ZNF429: variants seen among roughly 807,000 people sequenced by gnomAD.
ZNF429 encodes zinc finger protein 429.
In ZNF429, 53 loss-of-function variants were observed where a neutral mutation model predicts 56.8. That is an observed-to-expected ratio of 0.93 (90% CI 0.75 to 1.17). The LOEUF (loss-of-function observed/expected upper bound fraction) is 1.17, where lower values mean the gene tolerates loss of function less well. ZNF429 is among the 50% of genes most tolerant of loss of function. ZNF429 has a pLI of 0.00. For missense variants in ZNF429, 849 were observed against 788.4 expected, an observed-to-expected ratio of 1.08 and a Z score of -0.92; for synonymous variants, 278 against 264.7, an observed-to-expected ratio of 1.05 and a Z score of -0.49.
chr19:21,520,435 A>G (rs944699063), intron 1 of ZNF429, among the ~76,000 whole-genome samples: 1 of 152,098 alleles, frequency 6.6e-6, no homozygotes, highest in African/African-American at 2.4e-5. Context: ...ATATGTAGAT[A>G]TTTTTCTCTG....
chr19:21,535,823 A>T, intron 3 of ZNF429, among the ~76,000 whole-genome samples: 1 of 152,050 alleles, frequency 6.6e-6, no homozygotes, highest in Non-Finnish European at 1.5e-5. Context: ...AAAGTATACC[A>T]CCATTTCTTT....
At position 21,539,950 on chromosome 19, in the gene ZNF429, A is replaced by AG. The variant is rs1355360208; in HGVS notation, c.*1872_*1873insG. 5.3e-5 allele frequency among the ~76,000 whole-genome samples: 8 copies of AG among 152,132 alleles called. No homozygotes were observed. The highest frequency in any genetic ancestry group is 5.2e-4 in the Admixed American group (8 of 15,272). ...ATTAAAATGTAAGATGCTTGATGAA[A>AG]ATCTAAGTGGAGAGGCTCTTTGTGG... On this transcript the variant is annotated 3_prime_UTR_variant, in exon 4 of 4. Transcript: ENST00000358491.
chr19:21,514,380 CT>C (rs2032641651), intron 1 of ZNF429, among the ~76,000 whole-genome samples: 1 of 152,078 alleles, frequency 6.6e-6, no homozygotes, highest in Non-Finnish European at 1.5e-5. Flanking sequence ...TTGTTCCTCT[CT>C]TTGTGTCCAT....
rs537755021 is a variant in ZNF429, at chr19:21,537,782, T to A, written c.1729T>A (p.Ser577Thr). Residue 577 changes from serine (S) to threonine (T), a missense_variant, in exon 4 of 4, where the codon TCC becomes ACC. Ser to Thr is a moderately conservative substitution (Grantham distance 58, BLOSUM62 1). Coordinates refer to ENST00000358491, the MANE Select transcript of ZNF429 (RefSeq NM_001001415.4). ...CKQCDKAFTH[S>T]SNLSSHKKIH... ...ACAATGTGACAAAGCTTTTACCCAC[T>A]CCTCAAACCTTAGTAGTCATAAGAA... 2 of 1,613,246 alleles carry A rather than the reference T, an allele frequency of 1.2e-6. No individual in the cohort carries two copies. Among genetic ancestry groups the A allele is most frequent in the Admixed American group, 3.3e-5 (2 of 59,934 alleles).
rs1448802536 is a variant in ZNF429, at chr19:21,537,275, T to A, written c.1222T>A (p.Cys408Ser). The change falls in exon 4 of 4, where the codon TGT (cysteine) becomes AGT (serine). Residue 408 changes from cysteine (C) to serine (S), a missense_variant. Cys to Ser is a moderately radical substitution (Grantham distance 112). Coordinates refer to ENST00000358491, the MANE Select transcript of ZNF429 (RefSeq NM_001001415.4). ...KFEKCGRVFT[C>S]SSTLTQDKKI... ...TGAAAAATGTGGCAGAGTTTTTACC[T>A]GTTCCTCAACACTTACTCAAGACAA... is the stretch of plus-strand genomic sequence containing the variant. 1 of 1,613,048 alleles carries A rather than the reference T, an allele frequency of 6.2e-7. No individual in the cohort carries two copies. Among genetic ancestry groups the A allele is most frequent in the Non-Finnish European group, 8.5e-7 (1 of 1,179,764 alleles).
intron 1 of ZNF429, among the ~76,000 whole-genome samples, chr19:21,528,165 CAGG>C (rs556694371): frequency 6.6e-6 from 1 of 152,088 alleles, no homozygotes; most frequent in Non-Finnish European, 1.5e-5. Flanking sequence ...GGCTGTGAAA[CAGG>C]AGGTGTGGAT....
At chr19:21,531,048 G>C in intron 3 of ZNF429, among the ~76,000 whole-genome samples, 1 of 142,368 alleles carries the variant, frequency 7.0e-6, no homozygotes, top group Non-Finnish European at 1.5e-5. Context: ...GGAGGTTGCA[G>C]TGAGCTGAGA....
rs142015117 is a variant in ZNF429, at chr19:21,537,357, C to G, written c.1304C>G (p.Thr435Ser). 2 of 1,600,736 alleles carry G rather than the reference C, an allele frequency of 1.2e-6. No individual in the cohort carries two copies. Among genetic ancestry groups the G allele is most frequent in the East Asian group, 2.3e-5 (1 of 44,150 alleles). ...TGTGAAGAATGTGGCAAAGTTTTTA[C>G]CTATTCCTCTACACTTACTAGACAT... ...YNCEECGKVF[T>S]YSSTLTRHKR... is the part of the protein sequence containing the mutation. The change falls in exon 4 of 4, where the codon ACC (threonine) becomes AGC (serine). Residue 435 changes from threonine (T) to serine (S), a missense_variant. Thr to Ser is a moderately conservative substitution (Grantham distance 58, BLOSUM62 1). Transcript: ENST00000358491.
intron 1 of ZNF429, among the ~76,000 whole-genome samples, chr19:21,510,655 A>G (rs961194117): frequency 6.6e-6 from 1 of 151,684 alleles, no homozygotes; most frequent in African/African-American, 2.4e-5. Context: ...TCATAGGACA[A>G]TAGTGGAGGG....
chr19:21,514,509 C>G (rs1200818454), intron 1 of ZNF429, among the ~76,000 whole-genome samples: 1 of 151,690 alleles, frequency 6.6e-6, no homozygotes, highest in Non-Finnish European at 1.5e-5. Flanking sequence ...AGGACATGAT[C>G]TTGTTCTTTT....
intron 1 of ZNF429, among the ~76,000 whole-genome samples, chr19:21,514,263 TTAGTG>T (rs2032635880): frequency 6.6e-6 from 1 of 152,172 alleles, no homozygotes; most frequent in Non-Finnish European, 1.5e-5. Context: ...TCATGGAAGT[TTAGTG>T]TAGATTATTT....
At chr19:21,505,828 G>A in intron 1 of ZNF429, 54 bp downstream of exon 1, 2 of 1,595,396 alleles carry the variant, frequency 1.3e-6, no homozygotes, top group Non-Finnish European at 1.7e-6. Flanking sequence ...GGTCGGAACC[G>A]TGAGAAGTGG....
At chr19:21,532,158 C>A in intron 3 of ZNF429, among the ~76,000 whole-genome samples, 1 of 151,402 alleles carries the variant, frequency 6.6e-6, no homozygotes, top group Non-Finnish European at 1.5e-5. Context: ...TATTTTGTAT[C>A]TATGGATTGA....
At chr19:21,536,208 A>G in intron 3 of ZNF429, 72 bp from the exon 4 acceptor site, 1 of 1,429,398 alleles carries the variant, frequency 7.0e-7, no homozygotes, top group South Asian at 1.5e-5. Flanking sequence ...ATAACTTTAG[A>G]GGTTTTGTTT....
rs752416908 is a variant in ZNF429 at position 21,537,541 on chromosome 19, T to C, written c.1488T>C (p.Leu496=). 2 of 1,613,442 alleles carry C rather than the reference T, an allele frequency of 1.2e-6. No homozygotes were observed. The highest frequency in any genetic ancestry group is 1.7e-5 in the Admixed American group (1 of 59,976). ...CGKAFKQSSN[L]NSHKKIHSGE... The stretch of plus-strand genomic sequence containing the variant: ...AAGCCTTTAAGCAGTCCTCAAACCT[T>C]AACAGTCATAAAAAAATTCATAGTG... Residue 496 remains leucine, a synonymous_variant, in exon 4 of 4, where the codon CTT becomes CTC. Transcript: ENST00000358491.
chr19:21,509,226 C>A (rs772369776), intron 1 of ZNF429, among the ~76,000 whole-genome samples: 12 of 152,046 alleles, frequency 7.9e-5, no homozygotes, highest in Admixed American at 6.6e-4. Context: ...AGGCTTGTCT[C>A]GAACTCCTGA....
At chr19:21,512,904 C>G (rs890315442) in intron 1 of ZNF429, among the ~76,000 whole-genome samples, 5 of 150,594 alleles carry the variant, frequency 3.3e-5, no homozygotes, top group African/African-American at 1.2e-4. Flanking sequence ...TGGAGTCTCA[C>G]TCTGTCTTGC....
Position 21,505,691 on chromosome 19 carries a change from GGCCCA to G in ZNF429, c.-77_-73del. ...CATTTCTGTGTCCTTTGTTCTTAGAGGCCCAGCCTGTGTGGCCCTGTGACCCGCAG... is the reference window on the plus strand; with the variant it reads ...CATTTCTGTGTCCTTTGTTCTTAGAGGCCTGTGTGGCCCTGTGACCCGCAG... On this transcript the variant is annotated 5_prime_UTR_variant, in exon 1 of 4. The change abolishes the stop of an existing upstream ORF in the 5' untranslated region. Coordinates refer to ENST00000358491, the MANE Select transcript of ZNF429 (RefSeq NM_001001415.4). The G allele has an allele frequency of 1.3e-6, 2 of 1,503,896 alleles. No homozygotes were observed. The highest frequency in any genetic ancestry group is 2.3e-5 in the South Asian group (2 of 87,232). 93.2% of individuals were successfully genotyped at this position (1,503,896 alleles called of 1,614,324 possible). A position where few individuals can be genotyped will look rare whatever the true frequency, so the allele number is the denominator to read the frequency against.
chr19:21,512,352 C>T (rs1336061395), intron 1 of ZNF429, among the ~76,000 whole-genome samples: 1 of 151,952 alleles, frequency 6.6e-6, no homozygotes, highest in Non-Finnish European at 1.5e-5. Context: ...GTATCTTGTG[C>T]CAACCTCTTA....
Sources: allele counts gnomAD v4.1 joint callset (sites outside exome capture counted in the v4.1 genomes callset), GRCh38; gene constraint gnomAD v4.1.1; transcripts MANE v1.5; gene names NCBI Gene and HGNC (gene_info 2026-07-23, HGNC 2026-07-21).